SNRNP200: variants seen among roughly 807,000 people sequenced by gnomAD.
SNRNP200 encodes the protein U5 small nuclear ribonucleoprotein 200 kDa helicase.
In SNRNP200, 66 loss-of-function variants were observed where a neutral mutation model predicts 255.2. That is an observed-to-expected ratio of 0.26 (90% CI 0.21 to 0.32). The LOEUF is 0.32. Ranked by LOEUF, SNRNP200 falls within the 10% of genes least tolerant of loss-of-function variation. The probability of loss-of-function intolerance (pLI) is 1.00; values close to 1 mark genes in which losing one functional copy is unlikely to be tolerated. For missense variants in SNRNP200, 1,585 were observed against 2,749.8 expected (o/e 0.58, Z 9.47); for synonymous variants, 939 against 1,027.8 (o/e 0.91, Z 1.65).
rs1308756520 is a variant in SNRNP200, at chr2:96,289,069, C to T, written c.3142G>A (p.Val1048Ile). 2 of 1,613,142 alleles carry T rather than the reference C, an allele frequency of 1.2e-6. No homozygotes were observed. The highest frequency in any genetic ancestry group is 1.7e-5 in the Admixed American group (1 of 59,860). ...QKLLERVPIPVKESIEEPSAK... is the reference protein window; with the variant it reads ...QKLLERVPIPIKESIEEPSAK... ...CTGGGTTCCTCAATGCTCTCCTTTA[C>T]AGGGATAGGCACCCTCTCCAGCAAC... Residue 1048 changes from valine to isoleucine, a missense_variant, in exon 23 of 45, where the codon GTA becomes ATA. Physicochemically the swap from Val to Ile is conservative, Grantham distance 29. Around this residue, in one of 9 missense-constraint regions of SNRNP200, gnomAD observed 719 missense variants for 1,091.1 expected, o/e 0.66. Coordinates refer to ENST00000323853, the MANE Select transcript of SNRNP200 (RefSeq NM_014014.5).
At chr2:96,299,842 G>A (rs763083290) in intron 5 of SNRNP200, among the ~76,000 whole-genome samples, 10 of 152,196 alleles carry the variant, frequency 6.6e-5, no homozygotes, top group Non-Finnish European at 1.2e-4. Flanking sequence ...CACATTAGGC[G>A]TACCTGGCAT....
Position 96,286,589 on chromosome 2 carries a change from T to C in SNRNP200, c.3829+99A>G. 6.3e-7 allele frequency: 1 copy of C among 1,589,146 alleles called. No homozygotes were observed. Among genetic ancestry groups the C allele is most frequent in the South Asian group, 1.1e-5 (1 of 89,970 alleles). ...GAAACCTAGGCAGCATATGTATCACTCTGTCCCCAGCAAGGGCAAGCCCGG... is the reference window on the plus strand; with the variant it reads ...GAAACCTAGGCAGCATATGTATCACCCTGTCCCCAGCAAGGGCAAGCCCGG... On this transcript the variant is annotated intron_variant, in intron 28 of 44. Coordinates refer to ENST00000323853, the MANE Select transcript of SNRNP200 (RefSeq NM_014014.5). The surrounding 1 kb of genome is among the most constrained non-coding windows in gnomAD (Gnocchi z 4.8).
Position 96,277,482 on chromosome 2 carries a change from C to G in SNRNP200, c.5931+57G>C, listed in dbSNP as rs1684687600. 6.2e-7 allele frequency: 1 copy of G among 1,601,838 alleles called. No individual in the cohort carries two copies. The highest frequency in any genetic ancestry group is 1.3e-5 in the African/African-American group (1 of 74,748). ...TCACCTCCCGCAACCCACGCTCGGTCCACAACACTGGGCTCTCAGGCTCAC... is the reference window on the plus strand; with the variant it reads ...TCACCTCCCGCAACCCACGCTCGGTGCACAACACTGGGCTCTCAGGCTCAC... On this transcript the variant is annotated intron_variant, in intron 41 of 44. Coordinates refer to ENST00000323853, the MANE Select transcript of SNRNP200 (RefSeq NM_014014.5). The surrounding 1 kb of genome is among the most constrained non-coding windows in gnomAD (Gnocchi z 4.4).
At chr2:96,285,141 C>T (rs752412520) in intron 30 of SNRNP200, 39 bp downstream of exon 30, 9 of 1,610,926 alleles carry the variant, frequency 5.6e-6, no homozygotes, top group African/African-American at 1.3e-5. Flanking sequence ...AGATGAAATG[C>T]TTCTTGGGAA....
At chr2:96,293,259 G>A (rs1394092369) in intron 15 of SNRNP200, 57 bp downstream of exon 15, 5 of 1,588,322 alleles carry the variant, frequency 3.1e-6, no homozygotes, top group African/African-American at 1.3e-5. Flanking sequence ...CCTTGGAAAA[G>A]AGGAAAGAGA....
In SNRNP200 at chr2:96,278,922, T is replaced by C; in HGVS notation, c.5210A>G (p.Asn1737Ser). 6.2e-7 allele frequency: 1 copy of C among 1,614,132 alleles called. No homozygotes were observed. The highest frequency in any genetic ancestry group is 8.5e-7 in the Non-Finnish European group (1 of 1,179,998). Residue 1737 changes from asparagine to serine, a missense_variant, in exon 37 of 45, where the codon AAT becomes AGT. Physicochemically the swap from Asn to Ser is conservative, Grantham distance 46 (BLOSUM62 1). Coordinates refer to ENST00000323853, the MANE Select transcript of SNRNP200 (RefSeq NM_014014.5). This position sits in a 1 kb window ranked among gnomAD's most constrained non-coding sequence, Gnocchi z 6.9. ...AATGGTCTTGGTGACGATCTCAGCA[T>C]TGAAGTGGTCATGCATACAGTGGTC... is the stretch of plus-strand genomic sequence containing the variant. ...HLDHCMHDHF[N>S]AEIVTKTIEN...
chr2:96,289,241 T>C lies in SNRNP200; in HGVS notation c.3079A>G (p.Ile1027Val), dbSNP rs942745695. The C allele has an allele frequency of 6.2e-7, 1 of 1,614,142 alleles. No individual in the cohort carries two copies. Among genetic ancestry groups the C allele is most frequent in the African/African-American group, 1.3e-5 (1 of 74,948 alleles). ...VFSLSSEFKN[I>V]TVREEEKLEL... ...CATAGGCTCACCTCTCTCACTGTGA[T>C]GTTCTTGAACTCAGAGGACAATGAG... The change falls in exon 22 of 45, where the codon ATC (isoleucine) becomes GTC (valine). Residue 1027 changes from isoleucine (I) to valine (V), a missense_variant. Coordinates refer to ENST00000323853, the MANE Select transcript of SNRNP200 (RefSeq NM_014014.5).
At position 96,283,725 on chromosome 2, in the gene SNRNP200, G is replaced by A. The variant is rs752033625; in HGVS notation, c.4585-12C>T. ...CTGATGTTGAAGCCCTGGCGACCGGGGAGAAGAAAAGACACCAAGGTTATC... is the reference window on the plus strand; with the variant it reads ...CTGATGTTGAAGCCCTGGCGACCGGAGAGAAGAAAAGACACCAAGGTTATC... On this transcript the variant is annotated splice_polypyrimidine_tract_variant and intron_variant, in intron 32 of 44. Transcript: ENST00000323853. The surrounding 1 kb of genome is among the most constrained non-coding windows in gnomAD (Gnocchi z 4.7). 33 of 1,614,048 alleles carry A rather than the reference G, an allele frequency of 2.0e-5. No individual in the cohort carries two copies. Among genetic ancestry groups the A allele is most frequent in the Non-Finnish European group, 2.7e-5 (32 of 1,180,034 alleles).
In SNRNP200 at chr2:96,290,343, T is replaced by C; in HGVS notation, c.2725A>G (p.Asn909Asp). The change falls in exon 20 of 45, where the codon AAT (asparagine) becomes GAT (aspartate). Residue 909 changes from asparagine to aspartate, a missense_variant. This residue lies in a region of SNRNP200 where 719 missense variants were observed against 1,091.1 expected (regional missense o/e 0.66). Coordinates refer to ENST00000323853, the MANE Select transcript of SNRNP200 (RefSeq NM_014014.5). This position sits in a 1 kb window ranked among gnomAD's most constrained non-coding sequence, Gnocchi z 4.5. ...DMLNAEIVLG[N>D]VQNAKDAVNW... is the part of the protein sequence containing the mutation. The stretch of plus-strand genomic sequence containing the variant: ...TCCCCTACCTTGGCATTCTGGACAT[T>C]TCCTAGCACGATTTCTGCATTGAGC... 6.2e-7 allele frequency: 1 copy of C among 1,614,110 alleles called. No individual in the cohort carries two copies. Among genetic ancestry groups the C allele is most frequent in the Non-Finnish European group, 8.5e-7 (1 of 1,180,020 alleles).
Position 96,286,239 on chromosome 2 carries a change from CCT to C in SNRNP200, c.4003+70_4003+71del. 6.6e-7 allele frequency: 1 copy of C among 1,524,546 alleles called. No individual in the cohort carries two copies. The highest frequency in any genetic ancestry group is 1.4e-5 in the African/African-American group (1 of 73,164). The allele number at this position is 1,524,546 out of a possible 1,614,324, so 94.4% of individuals were successfully genotyped here. ...CCAAGTGCCTGAGCACCCCCACTCC[CCT>C]GCCTGCCACAGAGCACATCTGTCTC... On this transcript the variant is annotated intron_variant, in intron 29 of 44. Coordinates refer to ENST00000323853, the MANE Select transcript of SNRNP200 (RefSeq NM_014014.5). The surrounding 1 kb of genome is among the most constrained non-coding windows in gnomAD (Gnocchi z 4.8).
Position 96,286,648 on chromosome 2 carries a change from G to A in SNRNP200, c.3829+40C>T, listed in dbSNP as rs1310999501. Reference sequence around the variant, plus strand: ...GCAAGACATTCTTCTACTGTCCTTGGAGGGACTGTTCCTGGGGACTCTGGA... The same window carrying A: ...GCAAGACATTCTTCTACTGTCCTTGAAGGGACTGTTCCTGGGGACTCTGGA... On this transcript the variant is annotated intron_variant, in intron 28 of 44. Transcript: ENST00000323853. The surrounding 1 kb of genome is among the most constrained non-coding windows in gnomAD (Gnocchi z 4.8). The A allele has an allele frequency of 1.9e-6, 3 of 1,608,006 alleles. No homozygotes were observed. The highest frequency in any genetic ancestry group is 3.3e-5 in the Admixed American group (2 of 59,944).
intron 30 of SNRNP200, 143 bp from the exon 31 acceptor site, chr2:96,284,728 G>A (rs1422217135): frequency 3.0e-5 from 20 of 673,180 alleles, no homozygotes; most frequent in South Asian, 2.8e-4. Context: ...GCCTCTATGC[G>A]ATGCGATGGG....
In SNRNP200 at chr2:96,291,881, G is replaced by A. The variant is rs1403409387; in HGVS notation, c.2180C>T (p.Ser727Phe). The change falls in exon 17 of 45, where the codon TCC becomes TTC. Residue 727 changes from serine (S) to phenylalanine (F), a missense_variant. Transcript: ENST00000323853. The surrounding 1 kb of genome is among the most constrained non-coding windows in gnomAD (Gnocchi z 4.2). ...GKNQVLVFVH[S>F]RKETGKTARA... is the part of the protein sequence containing the mutation. ...GGCTGTCTTTCCAGTCTCCTTCCGG[G>A]AGTGGACAAACACCAGCACCTAAGG... 1 of 1,614,128 alleles carries A rather than the reference G, an allele frequency of 6.2e-7. No individual in the cohort carries two copies. The highest frequency in any genetic ancestry group is 8.5e-7 in the Non-Finnish European group (1 of 1,180,034).
Position 96,286,990 on chromosome 2 carries a change from C to T in SNRNP200, c.3639+16G>A. 2 of 1,614,166 alleles carry T rather than the reference C, an allele frequency of 1.2e-6. No individual in the cohort carries two copies. The highest frequency in any genetic ancestry group is 8.5e-7 in the Non-Finnish European group (1 of 1,180,012). ...GAGCACCTCCAATCCAGCACCTCTG[C>T]CCAGCAAAGCCTCACCTTTTCATCC... On this transcript the variant is annotated intron_variant, in intron 27 of 44. Transcript: ENST00000323853. This position sits in a 1 kb window ranked among gnomAD's most constrained non-coding sequence, Gnocchi z 4.8.
At chr2:96,299,140 C>T (rs968181680) in intron 6 of SNRNP200, among the ~76,000 whole-genome samples, 173 bp from the exon 7 acceptor site, 1 of 152,178 alleles carries the variant, frequency 6.6e-6, no homozygotes, top group African/African-American at 2.4e-5. Flanking sequence ...ACTAAGATTT[C>T]ATCAACATAC....
In SNRNP200 at chr2:96,286,493, A is replaced by G. The variant is rs1175792156; in HGVS notation, c.3830-9T>C. 1.2e-6 allele frequency: 2 copies of G among 1,613,880 alleles called. No individual in the cohort carries two copies. The highest frequency in any genetic ancestry group is 1.7e-6 in the Non-Finnish European group (2 of 1,180,020). ...CAGCTGGGTCTCACAAGCTGCCAGA[A>G]AAGAAACAGGAAGGATATAAGCACT... On this transcript the variant is annotated splice_polypyrimidine_tract_variant and intron_variant, in intron 28 of 44. Transcript: ENST00000323853. The surrounding 1 kb of genome is among the most constrained non-coding windows in gnomAD (Gnocchi z 4.8).
intron 2 of SNRNP200, among the ~76,000 whole-genome samples, chr2:96,303,886 C>T (rs1255979631): frequency 7.4e-6 from 1 of 134,778 alleles, no homozygotes; most frequent in African/African-American, 2.8e-5. Flanking sequence ...GAGATTCCGT[C>T]TCAAAAAAAA....
chr2:96,277,727 A>G lies in SNRNP200; in HGVS notation c.5755-12T>C, dbSNP rs756960000. On this transcript the variant is annotated splice_polypyrimidine_tract_variant and intron_variant, in intron 40 of 44. Transcript: ENST00000323853. This position sits in a 1 kb window ranked among gnomAD's most constrained non-coding sequence, Gnocchi z 4.4. ...ATGAGCCGGATTGCCTGAACAGGAA[A>G]AGGAGTATAAAAGTGGGCGGAGTTG... 1 of 1,614,162 alleles carries G rather than the reference A, an allele frequency of 6.2e-7. No individual in the cohort carries two copies.
Position 96,290,144 on chromosome 2 carries a change from A to C in SNRNP200, c.2743-148T>G. ...ATGTTTTTAGCATTTCATTATTAAA[A>C]AGATCTAAGCGTCTTCTAAGATCTT... On this transcript the variant is annotated intron_variant, in intron 20 of 44. Transcript: ENST00000323853. This position sits in a 1 kb window ranked among gnomAD's most constrained non-coding sequence, Gnocchi z 4.5. The C allele has an allele frequency of 9.5e-7, 1 of 1,049,286 alleles. No homozygotes were observed. 65.0% of individuals were successfully genotyped at this position (1,049,286 alleles called of 1,614,324 possible).
Sources: allele counts gnomAD v4.1 joint callset (sites outside exome capture counted in the v4.1 genomes callset), GRCh38; gene constraint gnomAD v4.1.1; regional missense constraint gnomAD v4.1.1; non-coding constraint Gnocchi (gnomAD v3.1); transcripts MANE v1.5; gene names NCBI Gene and HGNC (gene_info 2026-07-23, HGNC 2026-07-21).